GPC5: variants seen among roughly 807,000 people sequenced by gnomAD.
GPC5 encodes glypican 5, also known as glypican-5.
GPC5 carries 47 observed loss-of-function variants against 53.9 expected under a neutral mutation model. The observed-to-expected ratio is 0.87, with a 90% confidence interval of 0.69 to 1.11. GPC5 has a LOEUF of 1.11. Among genes scored for constraint, GPC5 ranks in the 50% most tolerant of loss-of-function variants. The pLI is 0.00. For synonymous variants in GPC5, 286 were observed against 263.3 expected, an observed-to-expected ratio of 1.09 and a Z score of -0.84; for missense variants, 748 against 713.1, an observed-to-expected ratio of 1.05 and a Z score of -0.56.
chr13:92,845,120 A>G (rs569979207), intron 7 of GPC5, among the ~76,000 whole-genome samples: 2 of 152,090 alleles, frequency 1.3e-5, no homozygotes, highest in South Asian at 4.2e-4. Flanking sequence ...AGCTGAATAC[A>G]TTGTGATCTA....
intron 1 of GPC5, among the ~76,000 whole-genome samples, chr13:91,410,560 A>T (rs984383544): frequency 2.0e-5 from 3 of 151,284 alleles, no homozygotes; most frequent in Non-Finnish European, 4.4e-5. Context: ...GTTAGCCAGG[A>T]TGGTCTCGAT....
chr13:91,720,297 C>T (rs565284464), intron 3 of GPC5, among the ~76,000 whole-genome samples: 13 of 152,310 alleles, frequency 8.5e-5, no homozygotes, highest in Admixed American at 3.9e-4. Flanking sequence ...ACACTTTCCA[C>T]GAATCACTGA....
intron 7 of GPC5, among the ~76,000 whole-genome samples, chr13:92,362,514 A>T (rs186259261): frequency 1.1e-4 from 17 of 151,922 alleles, no homozygotes; most frequent in Admixed American, 2.6e-4. Flanking sequence ...TGACGAAAGA[A>T]ATTGAAGAAA....
At chr13:91,872,844 G>A (rs928338295) in intron 5 of GPC5, among the ~76,000 whole-genome samples, 1 of 152,058 alleles carries the variant, frequency 6.6e-6, no homozygotes, top group Non-Finnish European at 1.5e-5. Flanking sequence ...ATGATATTTG[G>A]TACTGCAGTG....
intron 2 of GPC5, among the ~76,000 whole-genome samples, chr13:91,589,875 G>A (rs979265273): frequency 3.3e-5 from 5 of 152,004 alleles, no homozygotes; most frequent in Admixed American, 6.6e-5. Context: ...TCTCTTCCTT[G>A]CTAAATTTTT....
intron 2 of GPC5, among the ~76,000 whole-genome samples, chr13:91,570,408 C>T (rs1594268587): frequency 6.6e-6 from 1 of 152,232 alleles, no homozygotes; most frequent in African/African-American, 2.4e-5. Flanking sequence ...TTGAGATGCT[C>T]AACTGGTATA....
chr13:92,474,237 A>G (rs1439891351), intron 7 of GPC5, among the ~76,000 whole-genome samples: 1 of 151,666 alleles, frequency 6.6e-6, no homozygotes, highest in Non-Finnish European at 1.5e-5. Context: ...CACCATTTAT[A>G]TTGACCATGG....
At chr13:92,212,471 T>G (rs1220256782) in intron 7 of GPC5, among the ~76,000 whole-genome samples, 2 of 152,222 alleles carry the variant, frequency 1.3e-5, no homozygotes, top group Admixed American at 1.3e-4. Context: ...GTTAAATTTC[T>G]TTGGAACTCT....
intron 7 of GPC5, among the ~76,000 whole-genome samples, chr13:92,493,154 A>C (rs943879659): frequency 5.3e-5 from 8 of 152,330 alleles, no homozygotes; most frequent in African/African-American, 1.9e-4. Flanking sequence ...TGTTTTAAAA[A>C]TTCTCATCTG....
At chr13:92,697,333 C>A (rs547984151) in intron 7 of GPC5, among the ~76,000 whole-genome samples, 18 of 152,172 alleles carry the variant, frequency 1.2e-4, no homozygotes, top group Non-Finnish European at 2.4e-4. Context: ...TCCATGAGCA[C>A]GGAATGTTTT....
intron 6 of GPC5, among the ~76,000 whole-genome samples, chr13:92,025,205 T>G (rs751354166): frequency 6.6e-6 from 1 of 152,182 alleles, no homozygotes; most frequent in Non-Finnish European, 1.5e-5. Flanking sequence ...TGATTTTAAG[T>G]AAATTCTAGT....
At chr13:92,849,970 T>C (rs760123508) in intron 7 of GPC5, among the ~76,000 whole-genome samples, 13 of 152,140 alleles carry the variant, frequency 8.5e-5, no homozygotes, top group Non-Finnish European at 1.6e-4. Context: ...TTGCCAACCC[T>C]GCCATAGACA....
chr13:91,796,196 A>T lies in GPC5; in HGVS notation c.1280+39776A>T, dbSNP rs561244897. On this transcript the variant is annotated intron_variant, in intron 5 of 7. Coordinates refer to ENST00000377067, the MANE Select transcript of GPC5 (RefSeq NM_004466.6). ...GGAAAGGAACCGTGGAACCCAAACG[A>T]CTAGTGTTCGGCTCCATTAGGATGA... Among the ~76,000 whole-genome samples the T allele has an allele frequency of 1.2e-4, 18 of 152,246 alleles. 1 individual carries two copies. Among genetic ancestry groups the T allele is most frequent in the Admixed American group, 7.2e-4 (11 of 15,286 alleles).
At chr13:91,768,067 A>G (rs976220899) in intron 5 of GPC5, among the ~76,000 whole-genome samples, 2 of 152,180 alleles carry the variant, frequency 1.3e-5, no homozygotes, top group African/African-American at 4.8e-5. Context: ...AATGGAAAAT[A>G]TTGTTTATTA....
At chr13:92,341,962 T>A (rs7328531) in intron 7 of GPC5, among the ~76,000 whole-genome samples, 1 of 151,862 alleles carries the variant, frequency 6.6e-6, no homozygotes, top group Non-Finnish European at 1.5e-5. Flanking sequence ...ACTGTTTTGT[T>A]ACGTAGGACA....
At chr13:92,462,213 C>T (rs1878515072) in intron 7 of GPC5, among the ~76,000 whole-genome samples, 2 of 152,098 alleles carry the variant, frequency 1.3e-5, no homozygotes, top group Admixed American at 1.3e-4. Flanking sequence ...CTTTGTTTGG[C>T]TGGCTCATTG....
chr13:92,445,047 G>C (rs968084159), intron 7 of GPC5, among the ~76,000 whole-genome samples: 6 of 152,096 alleles, frequency 3.9e-5, no homozygotes, highest in Non-Finnish European at 8.8e-5. Flanking sequence ...ATGATCAGCA[G>C]TTCTTAGGTT....
At chr13:91,664,069 A>C (rs2035047945) in intron 2 of GPC5, among the ~76,000 whole-genome samples, 4 of 152,240 alleles carry the variant, frequency 2.6e-5, no homozygotes, top group Admixed American at 2.6e-4. Context: ...ACTATAATAT[A>C]ATGAAAGATA....
chr13:91,432,389 T>C (rs1879561331), intron 1 of GPC5, among the ~76,000 whole-genome samples: 1 of 152,194 alleles, frequency 6.6e-6, no homozygotes, highest in Admixed American at 6.5e-5. Context: ...GAAAACATCC[T>C]TTCATATTAG....
Sources: allele counts gnomAD v4.1 joint callset (sites outside exome capture counted in the v4.1 genomes callset), GRCh38; gene constraint gnomAD v4.1.1; transcripts MANE v1.5; gene names NCBI Gene and HGNC (gene_info 2026-07-23, HGNC 2026-07-21).